Variants in KCNJ4 observed in about 807,000 individuals in gnomAD.
KCNJ4 encodes inward rectifier potassium channel 4.
In KCNJ4, 3 loss-of-function variants were observed where a neutral mutation model predicts 25.6. That is an observed-to-expected ratio of 0.12 (90% CI 0.05 to 0.30). KCNJ4 has a LOEUF of 0.30. KCNJ4 is among the 10% of genes least tolerant of loss of function. The pLI, the probability that KCNJ4 is intolerant of heterozygous loss-of-function variation, is 1.00. For synonymous variants in KCNJ4, 257 were observed against 283.9 expected (o/e 0.91, Z 0.95); for missense variants, 286 against 666.8 (o/e 0.43, Z 6.29).
intron 1 of KCNJ4, among the ~76,000 whole-genome samples, chr22:38,445,281 G>A (rs372978348): frequency 8.5e-5 from 13 of 152,102 alleles, no homozygotes; most frequent in South Asian, 4.1e-4. Context: ...AGGGACAGGC[G>A]GCTACTTCTG....
rs74732880 is a variant in KCNJ4 at position 38,449,628 on chromosome 22, C to T, written c.-40+5352G>A. 0.016 allele frequency among the ~76,000 whole-genome samples: 2,367 copies of T among 152,316 alleles called. 86 individuals carry two copies. Among genetic ancestry groups the T allele is most frequent in the East Asian group, 0.13 (659 of 5,176 alleles). On this transcript the variant is annotated intron_variant, in intron 1 of 1. Coordinates refer to ENST00000303592, the MANE Select transcript of KCNJ4 (RefSeq NM_152868.3). The surrounding 1 kb of genome is among the most constrained non-coding windows in gnomAD (Gnocchi z 5.2). ...CGGGTGCAGAGGGAGGGGCAGGGGC[C>T]ACACGCCAGCACTCCTCCCCACCGG... is the stretch of plus-strand genomic sequence containing the variant.
chr22:38,426,554 G>A lies in KCNJ4; in HGVS notation c.*241C>T, dbSNP rs1419123233. ...TCAGTGGGGGAAGGGTGGTGGATCC[G>A]GGGACCTAGAGCCACCAGAAGTAGG... On this transcript the variant is annotated 3_prime_UTR_variant, in exon 2 of 2. Coordinates refer to ENST00000303592, the MANE Select transcript of KCNJ4 (RefSeq NM_152868.3). 9 of 498,580 alleles carry A rather than the reference G, an allele frequency of 1.8e-5. No individual in the cohort carries two copies. The highest frequency in any genetic ancestry group is 6.5e-5 in the East Asian group (2 of 30,576). The allele number at this position is 498,580 out of a possible 1,614,324, so 30.9% of individuals were successfully genotyped here.
chr22:38,442,838 G>A (rs1401818691), intron 1 of KCNJ4, among the ~76,000 whole-genome samples: 1 of 152,106 alleles, frequency 6.6e-6, no homozygotes, highest in East Asian at 1.9e-4. Context: ...GACTTCCCAG[G>A]CTCAAGCGAT....
chr22:38,451,163 TGCTTCCCA>T, intron 1 of KCNJ4, among the ~76,000 whole-genome samples: 2 of 152,342 alleles, frequency 1.3e-5, no homozygotes, highest in East Asian at 3.9e-4. Context: ...CGATGGGCAC[TGCTTCCCA>T]GCTCCTCTTT....
chr22:38,428,074 C>T lies in KCNJ4; in HGVS notation c.59G>A (p.Arg20His). The stretch of plus-strand genomic sequence containing the variant: ...GCATTGGCCGTTCTTCTTGACGAAG[C>T]GGTTGCGGCGCTTCCGCCGGGGCAC... ...AHVPRRKRRN[R>H]FVKKNGQCNV... Residue 20 changes from arginine to histidine, a missense_variant, in exon 2 of 2, where the codon CGC becomes CAC. This residue lies in a region of KCNJ4 where 32 missense variants were observed against 38.4 expected (regional missense o/e 0.83). Transcript: ENST00000303592. 2 of 1,613,932 alleles carry T rather than the reference C, an allele frequency of 1.2e-6. No homozygotes were observed. Among genetic ancestry groups the T allele is most frequent in the Non-Finnish European group, 1.7e-6 (2 of 1,179,888 alleles).
chr22:38,448,170 C>T lies in KCNJ4; in HGVS notation c.-40+6810G>A, dbSNP rs575044986. On this transcript the variant is annotated intron_variant, in intron 1 of 1. Coordinates refer to ENST00000303592, the MANE Select transcript of KCNJ4 (RefSeq NM_152868.3). The stretch of plus-strand genomic sequence containing the variant: ...CTGAGGCAGGAGAATCGCTTGAACC[C>T]GGGAGGCAGAGGTTGCACTGAGCTG... Among the ~76,000 whole-genome samples, 4 of 151,182 alleles carry T rather than the reference C, an allele frequency of 2.6e-5. No homozygotes were observed. The South Asian group carries it at 6.3e-4, about 24-fold the overall frequency.
intron 1 of KCNJ4, among the ~76,000 whole-genome samples, chr22:38,452,442 C>T (rs1011977462): frequency 1.3e-5 from 2 of 152,170 alleles, no homozygotes; most frequent in Admixed American, 6.5e-5. Flanking sequence ...CAGAAGCCCC[C>T]GAGCATCTAG....
At chr22:38,446,436 A>T (rs2089375327) in intron 1 of KCNJ4, among the ~76,000 whole-genome samples, 1 of 139,812 alleles carries the variant, frequency 7.2e-6, no homozygotes, top group East Asian at 2.0e-4. Flanking sequence ...GCACTCAGCC[A>T]GCCTTGCCCA....
intron 1 of KCNJ4, among the ~76,000 whole-genome samples, chr22:38,434,474 C>T (rs140748208): frequency 1.0e-3 from 154 of 152,320 alleles, no homozygotes; most frequent in Non-Finnish European, 1.7e-3. Flanking sequence ...TATTTCTCCT[C>T]CCCAGCTGAA....
Position 38,426,602 on chromosome 22 carries a change from C to G in KCNJ4, c.*193G>C. The G allele has an allele frequency of 1.5e-6, 1 of 668,214 alleles. No homozygotes were observed. The highest frequency in any genetic ancestry group is 3.0e-5 in the Admixed American group (1 of 33,012). The allele number at this position is 668,214 out of a possible 1,614,324, so 41.4% of individuals were successfully genotyped here. On this transcript the variant is annotated 3_prime_UTR_variant, in exon 2 of 2. Transcript: ENST00000303592. ...AGGCGCTGGCGGAACTCAGGCTGAT[C>G]GGGGCCGAGCTCTTCCCAGGCCTGG...
intron 1 of KCNJ4, among the ~76,000 whole-genome samples, chr22:38,441,977 C>G (rs1045859292): frequency 2.0e-5 from 3 of 152,102 alleles, no homozygotes; most frequent in Admixed American, 6.5e-5. Context: ...TAGTAGCTAC[C>G]ATTTGTGTAA....
chr22:38,429,457 G>A (rs781361215), intron 1 of KCNJ4, among the ~76,000 whole-genome samples: 7 of 152,264 alleles, frequency 4.6e-5, no homozygotes, highest in South Asian at 2.1e-4. Flanking sequence ...GACACACCTC[G>A]GGCAATTCAG....
chr22:38,436,776 C>T (rs910124276), intron 1 of KCNJ4, among the ~76,000 whole-genome samples: 3 of 152,184 alleles, frequency 2.0e-5, no homozygotes, highest in African/African-American at 4.8e-5. Flanking sequence ...TATCATTACC[C>T]CTGTTTTAGA....
rs1393923240 is a variant in KCNJ4 at position 38,449,870 on chromosome 22, G to A, written c.-40+5110C>T. ...CCAGGATTGGTCAAGACCTTTGGGA[G>A]TGGGGGGCCAAGACCAGAGCAAGCC... On this transcript the variant is annotated intron_variant, in intron 1 of 1. Coordinates refer to ENST00000303592, the MANE Select transcript of KCNJ4 (RefSeq NM_152868.3). This position sits in a 1 kb window ranked among gnomAD's most constrained non-coding sequence, Gnocchi z 5.2. 6.6e-6 allele frequency among the ~76,000 whole-genome samples: 1 copy of A among 152,248 alleles called. No individual in the cohort carries two copies. Among genetic ancestry groups the A allele is most frequent in the Non-Finnish European group, 1.5e-5 (1 of 68,034 alleles).
intron 1 of KCNJ4, among the ~76,000 whole-genome samples, chr22:38,432,394 G>T (rs1159598929): frequency 6.6e-6 from 1 of 152,182 alleles, no homozygotes; most frequent in African/African-American, 2.4e-5. Context: ...TAATTTGCTT[G>T]CATGGAATGT....
chr22:38,443,691 C>A lies in KCNJ4; in HGVS notation c.-40+11289G>T, dbSNP rs529002771. Among the ~76,000 whole-genome samples the A allele has an allele frequency of 5.5e-4, 84 of 152,274 alleles. No homozygotes were observed. Among genetic ancestry groups the A allele is most frequent in the African/African-American group, 2.0e-3 (82 of 41,546 alleles). On this transcript the variant is annotated intron_variant, in intron 1 of 1. Transcript: ENST00000303592. This position sits in a 1 kb window ranked among gnomAD's most constrained non-coding sequence, Gnocchi z 4.1. Reference sequence around the variant, plus strand: ...AGTGGGCTTGGGAGCTTGCCCAAAGCGGGTGAACCTCGGGGCCCCGGACAC... The same window carrying A: ...AGTGGGCTTGGGAGCTTGCCCAAAGAGGGTGAACCTCGGGGCCCCGGACAC...
chr22:38,442,946 T>C (rs1002897399), intron 1 of KCNJ4, among the ~76,000 whole-genome samples: 3 of 152,114 alleles, frequency 2.0e-5, no homozygotes, highest in Non-Finnish European at 4.4e-5. Context: ...CCTCCCTATG[T>C]TACCCAGGCT....
chr22:38,440,097 C>CA (rs1053336679), intron 1 of KCNJ4, among the ~76,000 whole-genome samples: 4,016 of 75,796 alleles, frequency 0.053, 67 homozygotes, highest in Middle Eastern at 0.11. Flanking sequence ...GACTTCGTCT[C>CA]AAAAAAAAAA....
intron 1 of KCNJ4, among the ~76,000 whole-genome samples, chr22:38,433,189 T>G (rs928435465): frequency 6.6e-6 from 1 of 152,190 alleles, no homozygotes; most frequent in African/African-American, 2.4e-5. Flanking sequence ...GGCTCACGCC[T>G]GTAATCCCAG....
Sources: allele counts gnomAD v4.1 joint callset (sites outside exome capture counted in the v4.1 genomes callset), GRCh38; gene constraint gnomAD v4.1.1; regional missense constraint gnomAD v4.1.1; non-coding constraint Gnocchi (gnomAD v3.1); transcripts MANE v1.5; gene names NCBI Gene and HGNC (gene_info 2026-07-23, HGNC 2026-07-21).